C16orf87: variants seen among roughly 807,000 people sequenced by gnomAD.
C16orf87 encodes the protein HDAC and MIER1 interacting protein 1.
Under a neutral mutation model 21.0 loss-of-function variants are expected in C16orf87, and 13 were observed. The observed-to-expected ratio is 0.62, with a 90% confidence interval of 0.40 to 0.98. C16orf87 has a LOEUF of 0.98. Among genes scored for constraint, C16orf87 ranks in the 50% least tolerant of loss-of-function variants. The probability of loss-of-function intolerance (pLI) is 0.00; values close to 1 mark genes in which losing one functional copy is unlikely to be tolerated. For missense variants in C16orf87, 113 were observed against 180.4 expected (o/e 0.63, Z 2.14); for synonymous variants, 49 against 60.2 (o/e 0.81, Z 0.86).
At position 46,825,090 on chromosome 16, in the gene C16orf87, G is replaced by C. The variant is rs1437865609; in HGVS notation, c.67-608C>G. ...CCAATAGAAAACTGTAATAGGGTCAGAGCAAGGGGAAGTATGTGGAAAAAA... is the reference window on the plus strand; with the variant it reads ...CCAATAGAAAACTGTAATAGGGTCACAGCAAGGGGAAGTATGTGGAAAAAA... On this transcript the variant is annotated intron_variant, in intron 1 of 3. Transcript: ENST00000285697. 3.3e-5 allele frequency among the ~76,000 whole-genome samples: 5 copies of C among 152,290 alleles called. No homozygotes were observed. The South Asian group carries it at 1.0e-3, about 32-fold the overall frequency.
rs916451324 is a variant in C16orf87 at position 46,802,098 on chromosome 16, A to G, written c.*854T>C. 7 of 152,298 alleles carry G rather than the reference A, an allele frequency of 4.6e-5. No homozygotes were observed. Among genetic ancestry groups the G allele is most frequent in the African/African-American group, 1.7e-4 (7 of 41,464 alleles). 9.4% of individuals were successfully genotyped at this position (152,298 alleles called of 1,614,324 possible). A position where few individuals can be genotyped will look rare whatever the true frequency, so the allele number is the denominator to read the frequency against. ...TTCCAGATTGAAAGTAACAATTTAA[A>G]TAATTATCAGGATATAGAAACAAAT... On this transcript the variant is annotated 3_prime_UTR_variant, in exon 4 of 4. Coordinates refer to ENST00000285697, the MANE Select transcript of C16orf87 (RefSeq NM_001001436.4).
intron 2 of C16orf87, among the ~76,000 whole-genome samples, chr16:46,813,469 A>C (rs1362960750): frequency 7.2e-6 from 1 of 138,294 alleles, no homozygotes; most frequent in Non-Finnish European, 1.6e-5. Flanking sequence ...GTACCAGCCA[A>C]TATTATCTTA....
intron 3 of C16orf87, among the ~76,000 whole-genome samples, chr16:46,804,926 A>G (rs1967882944): frequency 6.6e-6 from 1 of 152,210 alleles, no homozygotes; most frequent in African/African-American, 2.4e-5. Flanking sequence ...TGCTAGTCAT[A>G]TATCAGTAGT....
chr16:46,826,970 C>T (rs992874427), intron 1 of C16orf87, among the ~76,000 whole-genome samples: 2 of 152,126 alleles, frequency 1.3e-5, no homozygotes, highest in African/African-American at 2.4e-5. Flanking sequence ...TACAAAAGAA[C>T]TTCATATCAA....
Position 46,822,729 on chromosome 16 carries a change from A to C in C16orf87, c.163+1657T>G, listed in dbSNP as rs1343992529. ...GTATTCTTAGTTAGCCTACTGCAATAATCCACTTCCATATTTGTACCCCTA... is the reference window on the plus strand; with the variant it reads ...GTATTCTTAGTTAGCCTACTGCAATCATCCACTTCCATATTTGTACCCCTA... On this transcript the variant is annotated intron_variant, in intron 2 of 3. Coordinates refer to ENST00000285697, the MANE Select transcript of C16orf87 (RefSeq NM_001001436.4). Among the ~76,000 whole-genome samples, 5 of 152,204 alleles carry C rather than the reference A, an allele frequency of 3.3e-5. No individual in the cohort carries two copies. The East Asian group carries it at 7.7e-4, about 23-fold the overall frequency.
chr16:46,807,423 A>G (rs113895696), intron 3 of C16orf87, among the ~76,000 whole-genome samples: 2 of 146,238 alleles, frequency 1.4e-5, no homozygotes, highest in African/African-American at 5.0e-5. Flanking sequence ...TCTCAGAAGG[A>G]AAAAAAAAAA....
rs1181652969 is a variant in C16orf87 at position 46,824,498 on chromosome 16, A to T, written c.67-16T>A. 2 of 1,106,112 alleles carry T rather than the reference A, an allele frequency of 1.8e-6. No individual in the cohort carries two copies. The highest frequency in any genetic ancestry group is 1.6e-5 in the African/African-American group (1 of 62,524). The allele number at this position is 1,106,112 out of a possible 1,614,324, so 68.5% of individuals were successfully genotyped here. A position where few individuals can be genotyped will look rare whatever the true frequency, so the allele number is the denominator to read the frequency against. On this transcript the variant is annotated splice_polypyrimidine_tract_variant and intron_variant, in intron 1 of 3. Coordinates refer to ENST00000285697, the MANE Select transcript of C16orf87 (RefSeq NM_001001436.4). ...CAACAGGAACCTGTAGGAAAAAAAG[A>T]AAAATATATATTATTACTATTTTTC...
At chr16:46,813,225 C>T (rs373603734) in intron 2 of C16orf87, among the ~76,000 whole-genome samples, 30 of 152,208 alleles carry the variant, frequency 2.0e-4, no homozygotes, top group African/African-American at 7.2e-4. Flanking sequence ...CAAATTGTAT[C>T]AAAAAATAAC....
intron 1 of C16orf87, among the ~76,000 whole-genome samples, chr16:46,829,266 A>C (rs1959751235): frequency 6.6e-6 from 1 of 152,204 alleles, no homozygotes; most frequent in African/African-American, 2.4e-5. Context: ...TTGTTATGGC[A>C]GCCAAAGCTG....
intron 2 of C16orf87, among the ~76,000 whole-genome samples, chr16:46,815,651 A>T (rs1164909268): frequency 6.6e-6 from 1 of 152,214 alleles, no homozygotes. Flanking sequence ...GATGTTCAAT[A>T]TCACATCAAT....
At position 46,806,758 on chromosome 16, in the gene C16orf87, C is replaced by A. The variant is rs1156970622; in HGVS notation, c.346+2845G>T. Among the ~76,000 whole-genome samples the A allele has an allele frequency of 3.9e-5, 6 of 152,184 alleles. 1 individual carries two copies. Among genetic ancestry groups the A allele is most frequent in the Admixed American group, 3.9e-4 (6 of 15,284 alleles). The stretch of plus-strand genomic sequence containing the variant: ...TATTATTATGATGATGTCTAACAAG[C>A]TTTCCTTTTCCATTCTTCCTTCTTA... On this transcript the variant is annotated intron_variant, in intron 3 of 3. Coordinates refer to ENST00000285697, the MANE Select transcript of C16orf87 (RefSeq NM_001001436.4).
At chr16:46,806,424 A>AT (rs1298258446) in intron 3 of C16orf87, among the ~76,000 whole-genome samples, 1 of 151,486 alleles carries the variant, frequency 6.6e-6, no homozygotes, top group East Asian at 1.9e-4. Context: ...CGCCCGGCTA[A>AT]TTTTTTTTGT....
In C16orf87 at chr16:46,809,767, T is replaced by C. The variant is rs1219619744; in HGVS notation, c.182A>G (p.Lys61Arg). The change falls in exon 3 of 4, where the codon AAG becomes AGG. Residue 61 changes from lysine to arginine, a missense_variant. Lys to Arg is a conservative substitution (Grantham distance 26). Transcript: ENST00000285697. ...CCTAACTCTCTCTGTTCGCCTCCTC[T>C]TGGCCTCATGCTTGTTTTCTGTATG... Reference protein sequence around the residue: ...PPSTENKHEAKRRRTERVRRE... With the variant: ...PPSTENKHEARRRRTERVRRE... 1 of 1,606,884 alleles carries C rather than the reference T, an allele frequency of 6.2e-7. No homozygotes were observed. Among genetic ancestry groups the C allele is most frequent in the Admixed American group, 1.7e-5 (1 of 59,788 alleles).
At chr16:46,814,812 T>C (rs1173892808) in intron 2 of C16orf87, among the ~76,000 whole-genome samples, 1 of 152,104 alleles carries the variant, frequency 6.6e-6, no homozygotes, top group Non-Finnish European at 1.5e-5. Flanking sequence ...AATGCATACC[T>C]TGAGAGATCT....
chr16:46,825,602 T>G (rs1030195627), intron 1 of C16orf87, among the ~76,000 whole-genome samples: 3 of 152,178 alleles, frequency 2.0e-5, no homozygotes, highest in Admixed American at 6.5e-5. Context: ...TATTTTTAAA[T>G]GTACAATTAA....
At position 46,819,896 on chromosome 16, in the gene C16orf87, T is replaced by A. The variant is rs1001915532; in HGVS notation, c.163+4490A>T. Among the ~76,000 whole-genome samples, 5 of 151,706 alleles carry A rather than the reference T, an allele frequency of 3.3e-5. 1 individual carries two copies. On this transcript the variant is annotated intron_variant, in intron 2 of 3. Coordinates refer to ENST00000285697, the MANE Select transcript of C16orf87 (RefSeq NM_001001436.4). ...GGCTGAGACAGGAGAATGGGTTGAATCCAGGAGGCAGAGGTTGCAGAGGTT... is the reference window on the plus strand; with the variant it reads ...GGCTGAGACAGGAGAATGGGTTGAAACCAGGAGGCAGAGGTTGCAGAGGTT...
At position 46,798,702 on chromosome 16, in the gene C16orf87, C is replaced by T; in HGVS notation, c.*4250G>A. 1 of 152,586 alleles carries T rather than the reference C, an allele frequency of 6.6e-6. No individual in the cohort carries two copies. Among genetic ancestry groups the T allele is most frequent in the Non-Finnish European group, 1.5e-5 (1 of 68,446 alleles). The allele number at this position is 152,586 out of a possible 1,614,324, so 9.5% of individuals were successfully genotyped here. ...GAGGGTGCAGTGAGCCAAGATCGCA[C>T]CATTGCACTCCAGCCTGGGTGACAG... On this transcript the variant is annotated 3_prime_UTR_variant, in exon 4 of 4. Coordinates refer to ENST00000285697, the MANE Select transcript of C16orf87 (RefSeq NM_001001436.4).
intron 2 of C16orf87, among the ~76,000 whole-genome samples, chr16:46,811,565 A>G (rs887746562): frequency 5.3e-5 from 8 of 150,050 alleles, no homozygotes; most frequent in African/African-American, 2.0e-4. Context: ...GGTACACATC[A>G]CTACCTATTA....
chr16:46,826,003 G>A (rs1959605158), intron 1 of C16orf87, among the ~76,000 whole-genome samples: 1 of 151,718 alleles, frequency 6.6e-6, no homozygotes, highest in African/African-American at 2.4e-5. Context: ...ACAACAACCA[G>A]TTTGAGGGGC....
Sources: gnomAD v4.1 joint callset for allele counts (sites outside exome capture counted in the v4.1 genomes callset) on GRCh38, gnomAD v4.1.1 for gene constraint, MANE v1.5 for transcripts, NCBI Gene and HGNC (gene_info 2026-07-23, HGNC 2026-07-21) for gene names.